The following DOT1L variants were observed in gnomAD, a reference collection of about 807,000 sequenced individuals.
The protein encoded by DOT1L is DOT1 like histone lysine methyltransferase, also known as histone-lysine N-methyltransferase, H3 lysine-79 specific.
In DOT1L, 33 loss-of-function variants were observed where a neutral mutation model predicts 153.3. That is an observed-to-expected ratio of 0.22 (90% CI 0.16 to 0.29). The LOEUF is 0.29. DOT1L is among the 10% of genes least tolerant of loss of function. The pLI, the probability that DOT1L is intolerant of heterozygous loss-of-function variation, is 1.00. For missense variants in DOT1L, 1,847 were observed against 2,119.9 expected (o/e 0.87, Z 2.53); for synonymous variants, 1,135 against 965.1 (o/e 1.18, Z -3.26).
In DOT1L at chr19:2,193,859, C is replaced by G; in HGVS notation, c.588+76C>G. On this transcript the variant is annotated intron_variant, in intron 6 of 27. Coordinates refer to ENST00000398665, the MANE Select transcript of DOT1L (RefSeq NM_032482.3). The surrounding 1 kb of genome is among the most constrained non-coding windows in gnomAD (Gnocchi z 5.9). The stretch of plus-strand genomic sequence containing the variant: ...AAAGTGACGCCCTGGGTGCCTGCAC[C>G]CCACTGCTGTGGGACTTCCGAGTCT... The G allele has an allele frequency of 1.4e-6, 2 of 1,473,280 alleles. No individual in the cohort carries two copies. Among genetic ancestry groups the G allele is most frequent in the Non-Finnish European group, 1.9e-6 (2 of 1,074,588 alleles). 91.3% of individuals were successfully genotyped at this position (1,473,280 alleles called of 1,614,324 possible).
At chr19:2,167,403 C>T (rs1224386983) in intron 1 of DOT1L, among the ~76,000 whole-genome samples, 2 of 152,226 alleles carry the variant, frequency 1.3e-5, no homozygotes, top group Non-Finnish European at 2.9e-5. Flanking sequence ...TCCCCGCCCG[C>T]ATGCCTGCTG....
intron 3 of DOT1L, among the ~76,000 whole-genome samples, chr19:2,189,043 G>A (rs2022675143): frequency 6.6e-6 from 1 of 152,088 alleles, no homozygotes; most frequent in African/African-American, 2.4e-5. Context: ...AGGGCAAGGA[G>A]GGCAGAGTTG....
At position 2,226,584 on chromosome 19, in the gene DOT1L, T is replaced by C; in HGVS notation, c.4063T>C (p.Ser1355Pro). 6.3e-7 allele frequency: 1 copy of C among 1,599,770 alleles called. No homozygotes were observed. Among genetic ancestry groups the C allele is most frequent in the Non-Finnish European group, 8.5e-7 (1 of 1,177,892 alleles). ...AGLSSPLSFP[S>P]QRGKEGSDAN... Reference sequence around the variant, plus strand: ...CCTGAGCTCCCCGCTGAGCTTCCCCTCGCAGCGCGGCAAGGAGGGCTCGGA... The same window carrying C: ...CCTGAGCTCCCCGCTGAGCTTCCCCCCGCAGCGCGGCAAGGAGGGCTCGGA... Residue 1355 changes from serine to proline, a missense_variant, in exon 27 of 28, where the codon TCG becomes CCG. Coordinates refer to ENST00000398665, the MANE Select transcript of DOT1L (RefSeq NM_032482.3).
In DOT1L at chr19:2,217,909, C is replaced by T. The variant is rs773254605; in HGVS notation, c.2682C>T (p.Ala894=). 58 of 1,611,650 alleles carry T rather than the reference C, an allele frequency of 3.6e-5. No individual in the cohort carries two copies. The highest frequency in any genetic ancestry group is 1.3e-4 in the Admixed American group (8 of 59,922). The stretch of plus-strand genomic sequence containing the variant: ...CCAGCGTGGTGCTGCCCAGCCGCGC[C>T]GAGAGGGCGGTGAGTGGCTCCCAGG... ...PLASVVLPSR[A]ERARSTPSPV... is the part of the protein sequence containing the mutation. The change falls in exon 22 of 28, where the codon GCC becomes GCT. Residue 894 remains alanine (A), a synonymous_variant. Transcript: ENST00000398665. The surrounding 1 kb of genome is among the most constrained non-coding windows in gnomAD (Gnocchi z 7.3).
Position 2,206,805 on chromosome 19 carries a change from A to G in DOT1L, c.856+8A>G. 1 of 1,612,826 alleles carries G rather than the reference A, an allele frequency of 6.2e-7. No individual in the cohort carries two copies. On this transcript the variant is annotated splice_region_variant and intron_variant, in intron 10 of 27. Coordinates refer to ENST00000398665, the MANE Select transcript of DOT1L (RefSeq NM_032482.3). Reference sequence around the variant, plus strand: ...ACAGTAGAAACTTGAGTGGTAAGAAACTCTCATGTTGTTAATGATGAACAC... The same window carrying G: ...ACAGTAGAAACTTGAGTGGTAAGAAGCTCTCATGTTGTTAATGATGAACAC...
chr19:2,210,464 C>T lies in DOT1L; in HGVS notation c.1070C>T (p.Thr357Ile), dbSNP rs1254799292. Residue 357 changes from threonine (T) to isoleucine (I), a missense_variant, in exon 13 of 28, where the codon ACT becomes ATT. Thr to Ile is a moderately conservative substitution (Grantham distance 89). Around this residue, in one of 8 missense-constraint regions of DOT1L, gnomAD observed 205 missense variants for 203.1 expected, o/e 1.01. Coordinates refer to ENST00000398665, the MANE Select transcript of DOT1L (RefSeq NM_032482.3). The stretch of plus-strand genomic sequence containing the variant: ...AGCAAGAGCAACGCGGCCACGCCCA[C>T]TAAGGGCCCAGAGGGCAAGGTGGCC... ...RESKSNAATP[T>I]KGPEGKVAGP... 7 of 1,590,866 alleles carry T rather than the reference C, an allele frequency of 4.4e-6. No individual in the cohort carries two copies. The highest frequency in any genetic ancestry group is 5.1e-6 in the Non-Finnish European group (6 of 1,171,682).
At chr19:2,187,039 G>C (rs1019922620) in intron 3 of DOT1L, among the ~76,000 whole-genome samples, 16 of 152,224 alleles carry the variant, frequency 1.1e-4, no homozygotes, top group African/African-American at 3.6e-4. Context: ...TTTCACGGAG[G>C]CTTCTCGGAG....
chr19:2,210,226 A>C (rs2023658330), intron 12 of DOT1L, among the ~76,000 whole-genome samples, 174 bp from the exon 13 acceptor site: 1 of 152,226 alleles, frequency 6.6e-6, no homozygotes, highest in Non-Finnish European at 1.5e-5. Flanking sequence ...GCGGGGCCCC[A>C]AGCAGCCCAC....
At chr19:2,183,986 T>A (rs2022370053) in intron 2 of DOT1L, among the ~76,000 whole-genome samples, 1 of 151,278 alleles carries the variant, frequency 6.6e-6, no homozygotes, top group Non-Finnish European at 1.5e-5. Context: ...TAAAGACTGC[T>A]CCCTTTTGCC....
Position 2,231,021 on chromosome 19 carries a change from C to A in DOT1L, c.*1229C>A. On this transcript the variant is annotated 3_prime_UTR_variant, in exon 28 of 28. Transcript: ENST00000398665. ...AGGGTGACGTCGGCCCCCCACTCTG[C>A]AGCCTTGGCGGGTGCCTGGGACTGG... 4.2e-6 allele frequency: 1 copy of A among 237,604 alleles called. No homozygotes were observed. The allele number at this position is 237,604 out of a possible 1,614,324, so 14.7% of individuals were successfully genotyped here.
At position 2,219,853 on chromosome 19, in the gene DOT1L, C is replaced by T. The variant is rs971013355; in HGVS notation, c.2692-255C>T. Among the ~76,000 whole-genome samples, 14 of 152,324 alleles carry T rather than the reference C, an allele frequency of 9.2e-5. 1 individual carries two copies. The South Asian group carries it at 1.7e-3, about 18-fold the overall frequency. ...GTACCCCCTCCCCACAGCTGGACCC[C>T]GGGACCCCCGCCTCCTGACCTCCCT... On this transcript the variant is annotated intron_variant, in intron 22 of 27. Coordinates refer to ENST00000398665, the MANE Select transcript of DOT1L (RefSeq NM_032482.3).
chr19:2,227,957 C>T, intron 27 of DOT1L: 1 of 1,216,250 alleles, frequency 8.2e-7, no homozygotes, highest in African/African-American at 1.6e-5. Context: ...CGCACCTGGG[C>T]CGGTCCCCCG....
intron 25 of DOT1L, among the ~76,000 whole-genome samples, chr19:2,224,825 G>A (rs928785986): frequency 2.6e-5 from 4 of 152,196 alleles, no homozygotes; most frequent in East Asian, 1.9e-4. Context: ...CGTGTTACAC[G>A]AGAAACATTG....
intron 1 of DOT1L, among the ~76,000 whole-genome samples, chr19:2,175,031 C>T (rs1265836579): frequency 6.9e-6 from 1 of 144,056 alleles, no homozygotes; most frequent in Non-Finnish European, 1.5e-5. Context: ...TGGAGTCTTG[C>T]TCTGTTGCCC....
chr19:2,182,323 C>T (rs2022279049), intron 2 of DOT1L, among the ~76,000 whole-genome samples: 1 of 152,004 alleles, frequency 6.6e-6, no homozygotes, highest in African/African-American at 2.4e-5. Flanking sequence ...GGGTTGATCA[C>T]TTGAATCCAG....
Position 2,208,760 on chromosome 19 carries a change from G to C in DOT1L, c.964-175G>C, listed in dbSNP as rs980103725. ...GAGGGTGACGCCTGGCCACAGCTGG[G>C]TTAGTCACATCCGCGTTTGCCACTG... is the stretch of plus-strand genomic sequence containing the variant. On this transcript the variant is annotated intron_variant, in intron 11 of 27. Coordinates refer to ENST00000398665, the MANE Select transcript of DOT1L (RefSeq NM_032482.3). The surrounding 1 kb of genome is among the most constrained non-coding windows in gnomAD (Gnocchi z 4.4). 2.0e-5 allele frequency among the ~76,000 whole-genome samples: 3 copies of C among 152,168 alleles called. No individual in the cohort carries two copies. The highest frequency in any genetic ancestry group is 2.9e-5 in the Non-Finnish European group (2 of 68,038).
chr19:2,185,933 A>G lies in DOT1L; in HGVS notation c.200+4A>G. 6.2e-7 allele frequency: 1 copy of G among 1,613,956 alleles called. No individual in the cohort carries two copies. Among genetic ancestry groups the G allele is most frequent in the Non-Finnish European group, 8.5e-7 (1 of 1,179,904 alleles). ...TAATTGACTATGACACCAAAAGGTA[A>G]GCAGAGTCCTGTCCAGCCGCTCCGC... On this transcript the variant is annotated splice_donor_region_variant and intron_variant, in intron 3 of 27. Coordinates refer to ENST00000398665, the MANE Select transcript of DOT1L (RefSeq NM_032482.3).
chr19:2,172,261 C>G (rs1444084592), intron 1 of DOT1L, among the ~76,000 whole-genome samples: 2 of 151,598 alleles, frequency 1.3e-5, no homozygotes, highest in Admixed American at 6.6e-5. Context: ...GCGATCTCTG[C>G]TCACTGCAAG....
intron 8 of DOT1L, 139 bp from the exon 9 acceptor site, chr19:2,202,561 G>A: frequency 1.3e-6 from 1 of 794,270 alleles, no homozygotes; most frequent in East Asian, 2.6e-5. Context: ...CGTGCGCTCA[G>A]CTGCGTGGGC....
Sources: allele counts gnomAD v4.1 joint callset (sites outside exome capture counted in the v4.1 genomes callset), GRCh38; gene constraint gnomAD v4.1.1; regional missense constraint gnomAD v4.1.1; non-coding constraint Gnocchi (gnomAD v3.1); transcripts MANE v1.5; gene names NCBI Gene and HGNC (gene_info 2026-07-23, HGNC 2026-07-21).